Variants in CEP55 observed in about 807,000 individuals in gnomAD.
CEP55 encodes centrosomal protein of 55 kDa.
A neutral mutation model predicts 63.2 loss-of-function variants in CEP55; 57 were observed. That is an observed-to-expected ratio of 0.90 (90% confidence interval 0.73 to 1.13). The LOEUF (loss-of-function observed/expected upper bound fraction) is 1.13. Ranked by LOEUF, CEP55 falls within the 50% of genes most tolerant of loss-of-function variation. The pLI is 0.00. For synonymous variants in CEP55, 178 were observed against 191.6 expected (o/e 0.93, Z 0.59); for missense variants, 456 against 518.9 (o/e 0.88, Z 1.18).
rs115773240 is a variant in CEP55 at position 93,510,041 on chromosome 10, T to G, written c.528+2985T>G. 4.6e-3 allele frequency among the ~76,000 whole-genome samples: 705 copies of G among 152,332 alleles called. 3 individuals carry two copies. Among genetic ancestry groups the G allele is most frequent in the African/African-American group, 0.016 (680 of 41,580 alleles). On this transcript the variant is annotated intron_variant, in intron 4 of 8. Transcript: ENST00000371485. ...ACCCACGTATTTTCAGAATTAGTAT[T>G]TGTTATATTTAAATAAGCCCTAAAA...
intron 8 of CEP55, 92 bp downstream of exon 8, chr10:93,519,899 C>T: frequency 7.5e-7 from 1 of 1,340,090 alleles, no homozygotes; most frequent in Non-Finnish European, 1.1e-6. Flanking sequence ...GCTTAACACA[C>T]AGCTAGCTGT....
At chr10:93,517,712 T>C (rs1335625800) in intron 6 of CEP55, among the ~76,000 whole-genome samples, 1 of 152,262 alleles carries the variant, frequency 6.6e-6, no homozygotes, top group African/African-American at 2.4e-5. Context: ...TTCCATGTTC[T>C]TGTTATGCTC....
At position 93,528,775 on chromosome 10, in the gene CEP55, G is replaced by A. The variant is rs535024318; in HGVS notation, c.*622G>A. Reference sequence around the variant, plus strand: ...TCTGTTTGAGGCATAATCTTAAGTGGCCACACACAATGTTTTCTCTTATGT... The same window carrying A: ...TCTGTTTGAGGCATAATCTTAAGTGACCACACACAATGTTTTCTCTTATGT... On this transcript the variant is annotated 3_prime_UTR_variant, in exon 9 of 9. Coordinates refer to ENST00000371485, the MANE Select transcript of CEP55 (RefSeq NM_018131.5). 3 of 152,280 alleles carry A rather than the reference G, an allele frequency of 2.0e-5. No individual in the cohort carries two copies. The highest frequency in any genetic ancestry group is 7.2e-5 in the African/African-American group (3 of 41,516). The allele number at this position is 152,280 out of a possible 1,614,324, so 9.4% of individuals were successfully genotyped here.
In CEP55 at chr10:93,520,043, G is replaced by A. The variant is rs888163162; in HGVS notation, c.1191+236G>A. 3 of 532,022 alleles carry A rather than the reference G, an allele frequency of 5.6e-6. No homozygotes were observed. In the East Asian group the frequency reaches 1.0e-4, roughly 18 times the overall value. The allele number at this position is 532,022 out of a possible 1,614,324, so 33.0% of individuals were successfully genotyped here. ...CAACTACCCCAGCTGCTGTGATGCTGGAGGCACTAAATAGTGCCTGAGCTG... is the reference window on the plus strand; with the variant it reads ...CAACTACCCCAGCTGCTGTGATGCTAGAGGCACTAAATAGTGCCTGAGCTG... On this transcript the variant is annotated intron_variant, in intron 8 of 8. Coordinates refer to ENST00000371485, the MANE Select transcript of CEP55 (RefSeq NM_018131.5).
Position 93,516,968 on chromosome 10 carries a change from A to G in CEP55, c.713A>G (p.Asn238Ser). 1 of 1,594,530 alleles carries G rather than the reference A, an allele frequency of 6.3e-7. No homozygotes were observed. Among genetic ancestry groups the G allele is most frequent in the Admixed American group, 1.7e-5 (1 of 58,492 alleles). The change falls in exon 6 of 9, where the codon AAC becomes AGC. Residue 238 changes from asparagine to serine, a missense_variant. Coordinates refer to ENST00000371485, the MANE Select transcript of CEP55 (RefSeq NM_018131.5). ...CAAGAAGAGAAGCAGAAATGTTACA[A>G]CGATCTCTTGGCAAGTGCAAAAAAA... ...YLQEEKQKCY[N>S]DLLASAKKDL...
Position 93,514,038 on chromosome 10 carries a change from G to A in CEP55, c.529-1367G>A, listed in dbSNP as rs1349249320. Among the ~76,000 whole-genome samples the A allele has an allele frequency of 3.4e-5, 5 of 147,378 alleles. No homozygotes were observed. The South Asian group carries it at 9.5e-4, about 28-fold the overall frequency. ...TGGCTCACTGCAACCTCCGCCTCCC[G>A]CATTCAAGTGATCTGCTACCTCAGC... On this transcript the variant is annotated intron_variant, in intron 4 of 8. Coordinates refer to ENST00000371485, the MANE Select transcript of CEP55 (RefSeq NM_018131.5).
intron 4 of CEP55, among the ~76,000 whole-genome samples, chr10:93,512,729 T>G (rs577735436): frequency 1.3e-4 from 20 of 152,136 alleles, no homozygotes; most frequent in Admixed American, 4.6e-4. Flanking sequence ...TTAAATCTGA[T>G]CCTGGGTTTC....
At chr10:93,525,042 T>C (rs12782440) in intron 8 of CEP55, among the ~76,000 whole-genome samples, 129,177 of 148,904 alleles carry the variant, frequency 0.87, 56,520 homozygotes, top group Non-Finnish European at 0.93. Context: ...GACAGGGATG[T>C]CCTCTCTCAC....
At chr10:93,526,304 A>C (rs2057921074) in intron 8 of CEP55, among the ~76,000 whole-genome samples, 1 of 152,254 alleles carries the variant, frequency 6.6e-6, no homozygotes, top group Admixed American at 6.5e-5. Context: ...AAAAGAAGAC[A>C]TTTATGCAGC....
In CEP55 at chr10:93,496,747, G is replaced by GGGGCC. The variant is rs2134449733; in HGVS notation, c.-181_-177dup. 6.6e-6 allele frequency: 1 copy of GGGGCC among 152,426 alleles called. No individual in the cohort carries two copies. The highest frequency in any genetic ancestry group is 2.4e-5 in the African/African-American group (1 of 41,596). 9.4% of individuals were successfully genotyped at this position (152,426 alleles called of 1,614,324 possible). On this transcript the variant is annotated 5_prime_UTR_variant, in exon 1 of 9. Coordinates refer to ENST00000371485, the MANE Select transcript of CEP55 (RefSeq NM_018131.5). The stretch of plus-strand genomic sequence containing the variant: ...AGGGGCGGCCAGGACCCGCAGCCCC[G>GGGGCC]GGGCCGGGCCGGTCCGGACCGCCAG...
chr10:93,524,842 A>G (rs989740111), intron 8 of CEP55, among the ~76,000 whole-genome samples: 7 of 152,236 alleles, frequency 4.6e-5, no homozygotes, highest in South Asian at 2.1e-4. Flanking sequence ...CAAAAACCAC[A>G]TGATTATCTC....
chr10:93,523,796 C>T (rs530887528), intron 8 of CEP55, among the ~76,000 whole-genome samples: 3,419 of 152,178 alleles, frequency 0.022, 61 homozygotes, highest in Non-Finnish European at 0.033. Context: ...CACTCAAAAC[C>T]GCTCAACTAC....
intron 3 of CEP55, 103 bp downstream of exon 3, chr10:93,503,491 G>T: frequency 8.8e-7 from 1 of 1,130,694 alleles, no homozygotes; most frequent in Non-Finnish European, 1.3e-6. Flanking sequence ...CAAATGATGA[G>T]ACAAATGATT....
In CEP55 at chr10:93,527,990, C is replaced by A; in HGVS notation, c.1232C>A (p.Thr411Asn). 6.2e-7 allele frequency: 1 copy of A among 1,613,990 alleles called. No homozygotes were observed. Among genetic ancestry groups the A allele is most frequent in the South Asian group, 1.1e-5 (1 of 91,078 alleles). ...HEFAITEPLV[T>N]FQGETENREK... ...TTTGCCATCACAGAGCCATTAGTCACTTTCCAAGGAGAGACTGAAAACAGA... is the reference window on the plus strand; with the variant it reads ...TTTGCCATCACAGAGCCATTAGTCAATTTCCAAGGAGAGACTGAAAACAGA... Residue 411 changes from threonine to asparagine, a missense_variant, in exon 9 of 9, where the codon ACT becomes AAT. Coordinates refer to ENST00000371485, the MANE Select transcript of CEP55 (RefSeq NM_018131.5).
intron 3 of CEP55, among the ~76,000 whole-genome samples, chr10:93,504,650 G>C (rs914955892): frequency 6.6e-6 from 1 of 152,010 alleles, no homozygotes; most frequent in Non-Finnish European, 1.5e-5. Context: ...AGTTCAAAAA[G>C]TTGAAGTTTT....
At chr10:93,501,122 C>T (rs11187475) in intron 2 of CEP55, among the ~76,000 whole-genome samples, 6,166 of 152,114 alleles carry the variant, frequency 0.041, 431 homozygotes, top group African/African-American at 0.14. Context: ...TTCAGATTTC[C>T]TTATTTAAAA....
At chr10:93,501,128 T>C (rs2057631436) in intron 2 of CEP55, among the ~76,000 whole-genome samples, 1 of 152,214 alleles carries the variant, frequency 6.6e-6, no homozygotes, top group Non-Finnish European at 1.5e-5. Flanking sequence ...TTTCCTTATT[T>C]AAAACATATT....
intron 8 of CEP55, among the ~76,000 whole-genome samples, chr10:93,520,946 G>A (rs956469733): frequency 1.3e-5 from 2 of 152,156 alleles, no homozygotes; most frequent in African/African-American, 2.4e-5. Context: ...AGGGAGCAGA[G>A]GGTATGCAAA....
At chr10:93,497,315 G>C (rs2057581630) in intron 1 of CEP55, among the ~76,000 whole-genome samples, 1 of 152,004 alleles carries the variant, frequency 6.6e-6, no homozygotes, top group African/African-American at 2.4e-5. Context: ...ACCAAGGCTG[G>C]AGTGCAATGG....
Sources: allele counts gnomAD v4.1 joint callset (sites outside exome capture counted in the v4.1 genomes callset), GRCh38; gene constraint gnomAD v4.1.1; transcripts MANE v1.5; gene names NCBI Gene and HGNC (gene_info 2026-07-23, HGNC 2026-07-21).